N4BP2L2: variants seen among roughly 807,000 people sequenced by gnomAD.
N4BP2L2 encodes NEDD4-binding protein 2-like 2.
A neutral mutation model predicts 56.2 loss-of-function variants in N4BP2L2; 50 were observed. The observed-to-expected ratio is 0.89, with a 90% confidence interval of 0.71 to 1.13. The LOEUF is 1.13. N4BP2L2 is among the 50% of genes most tolerant of loss of function. The pLI is 0.00. For synonymous variants in N4BP2L2, 203 were observed against 223.6 expected (o/e 0.91, Z 0.82); for missense variants, 689 against 693.8 (o/e 0.99, Z 0.08).
chr13:32,512,205 C>A (rs2048292698), exon 6 of N4BP2L2: 2 of 152,008 alleles, frequency 1.3e-5, no homozygotes, highest in African/African-American at 4.8e-5. Flanking sequence ...AGAGGCAAAC[C>A]CAATAGCTCC....
chr13:32,483,532 C>A (rs1304135548), intron 6 of N4BP2L2, among the ~76,000 whole-genome samples: 3 of 152,130 alleles, frequency 2.0e-5, no homozygotes, highest in Non-Finnish European at 4.4e-5. Flanking sequence ...CACTAAATTT[C>A]AGCACATCTT....
intron 6 of N4BP2L2, among the ~76,000 whole-genome samples, chr13:32,448,684 G>A (rs1016204965): frequency 7.2e-5 from 11 of 152,080 alleles, no homozygotes; most frequent in African/African-American, 2.7e-4. Flanking sequence ...AAGGGAGGGT[G>A]GAAAGCATGG....
chr13:32,510,334 C>T (rs370722003), exon 6 of N4BP2L2: 7 of 151,902 alleles, frequency 4.6e-5, no homozygotes, highest in East Asian at 3.9e-4. Flanking sequence ...ATTTCAAATG[C>T]TAATTAAAAT....
intron 6 of N4BP2L2, chr13:32,477,587 T>C (rs1382690434): frequency 1.1e-5 from 3 of 275,008 alleles, no homozygotes; most frequent in African/African-American, 6.5e-5. Context: ...CCTCAGTTGA[T>C]TGTTATATAG....
chr13:32,451,122 A>G (rs1375553368), intron 6 of N4BP2L2, among the ~76,000 whole-genome samples: 4 of 152,166 alleles, frequency 2.6e-5, no homozygotes, highest in African/African-American at 9.7e-5. Flanking sequence ...AGAAAAAAAG[A>G]GCAGAATAAA....
chr13:32,526,332 A>T (rs2052761476), intron 3 of N4BP2L2, among the ~76,000 whole-genome samples: 1 of 152,210 alleles, frequency 6.6e-6, no homozygotes, highest in Admixed American at 6.5e-5. Context: ...TTTTTCGAAC[A>T]ACAGAGGAGA....
At chr13:32,442,291 C>T in intron 7 of N4BP2L2, 1 of 1,066,868 alleles carries the variant, frequency 9.4e-7, no homozygotes. Flanking sequence ...GATTAATAAA[C>T]TGCATGAGAT....
intron 7 of N4BP2L2, among the ~76,000 whole-genome samples, chr13:32,439,470 AG>A (rs1166595040): frequency 6.6e-6 from 1 of 152,114 alleles, no homozygotes; most frequent in Non-Finnish European, 1.5e-5. Context: ...TGCCCCTCTA[AG>A]GCAGTGATTG....
intron 6 of N4BP2L2, among the ~76,000 whole-genome samples, chr13:32,462,622 A>T (rs1081796): frequency 0.21 from 31,325 of 152,020 alleles, 3,530 homozygotes; most frequent in South Asian, 0.39. Context: ...GTCTTGAAAC[A>T]TTCCCAACAC....
chr13:32,507,629 A>C (rs888835307), downstream of N4BP2L2: 1 of 152,116 alleles, frequency 6.6e-6, no homozygotes, highest in African/African-American at 2.4e-5. Context: ...GAGCATTCCA[A>C]GCAGAAATAA....
At chr13:32,443,059 A>G (rs1304538901) in exon 7 of N4BP2L2, 13 of 1,607,130 alleles carry the variant, frequency 8.1e-6, no homozygotes, top group Non-Finnish European at 1.1e-5. Context: ...TACCAAATTG[A>G]AAATCCTTTT....
intron 6 of N4BP2L2, among the ~76,000 whole-genome samples, chr13:32,471,559 A>G (rs1251022901): frequency 1.3e-5 from 2 of 152,266 alleles, no homozygotes; most frequent in East Asian, 1.9e-4. Context: ...GTAGGCGGAC[A>G]AGGGGGAGCC....
In N4BP2L2 at chr13:32,442,615, A is replaced by T; in HGVS notation, c.1877T>A (p.Leu626Ter). 6.2e-7 allele frequency: 1 copy of T among 1,613,932 alleles called. No individual in the cohort carries two copies. The highest frequency in any genetic ancestry group is 8.5e-7 in the Non-Finnish European group (1 of 1,179,846). ...GCACGAAGTATCAGGATGACTATGT[A>T]AAATTTCTGGAGAAATAAACCCTGC... Residue 626 changes from leucine (L) to a stop codon, truncating the protein, a stop_gained, in exon 7 of 10, where the codon TTA (leucine) becomes TAA (stop). Transcript: ENST00000357505. LOFTEE classifies it high-confidence loss of function.
intron 6 of N4BP2L2, chr13:32,480,675 C>G: frequency 8.2e-7 from 1 of 1,216,914 alleles, no homozygotes; most frequent in Non-Finnish European, 1.1e-6. Flanking sequence ...TGCTTCACAA[C>G]TTTTAAAGTG....
chr13:32,460,238 C>T (rs983620576), intron 6 of N4BP2L2, among the ~76,000 whole-genome samples: 1 of 152,164 alleles, frequency 6.6e-6, no homozygotes, highest in African/African-American at 2.4e-5. Flanking sequence ...CCTCTAAGAA[C>T]TGAAACAAGA....
At chr13:32,497,317 T>C (rs952948020) in intron 6 of N4BP2L2, among the ~76,000 whole-genome samples, 3 of 152,184 alleles carry the variant, frequency 2.0e-5, no homozygotes, top group South Asian at 4.1e-4. Context: ...ACTAACTGCA[T>C]AGAAGGGATA....
downstream of N4BP2L2, chr13:32,508,716 A>G (rs1041950270): frequency 6.6e-6 from 1 of 152,212 alleles, no homozygotes; most frequent in African/African-American, 2.4e-5. Context: ...AGTACCAGCT[A>G]TTCTTGATTG....
chr13:32,513,889 T>G (rs1373033705), exon 6 of N4BP2L2: 1 of 152,190 alleles, frequency 6.6e-6, no homozygotes, highest in Non-Finnish European at 1.5e-5. Context: ...ACATTTCTTC[T>G]ACATTTTCCA....
chr13:32,538,274 G>A (rs2057117282), intron 1 of N4BP2L2, among the ~76,000 whole-genome samples: 1 of 150,904 alleles, frequency 6.6e-6, no homozygotes, highest in Admixed American at 6.5e-5. Flanking sequence ...ACGCCAAAAG[G>A]CCTCCTCTCG....
Sources: allele counts gnomAD v4.1 joint callset (sites outside exome capture counted in the v4.1 genomes callset), GRCh38; gene constraint gnomAD v4.1.1; transcripts MANE v1.5; gene names NCBI Gene and HGNC (gene_info 2026-07-23, HGNC 2026-07-21).